PKNOX2: variants seen among roughly 807,000 people sequenced by gnomAD.
PKNOX2 encodes the protein PBX/knotted 1 homeobox 2.
A neutral mutation model predicts 53.1 loss-of-function variants in PKNOX2; 14 were observed. The observed-to-expected ratio is 0.26, with a 90% confidence interval of 0.17 to 0.41. PKNOX2 has a LOEUF of 0.41. Ranked by LOEUF, PKNOX2 falls within the 10% of genes least tolerant of loss-of-function variation. The pLI is 1.00. For synonymous variants in PKNOX2, 257 were observed against 242.8 expected, an observed-to-expected ratio of 1.06 and a Z score of -0.54; for missense variants, 496 against 602.8, an observed-to-expected ratio of 0.82 and a Z score of 1.85.
chr11:125,309,034 G>C (rs962355139), intron 2 of PKNOX2, among the ~76,000 whole-genome samples: 1 of 152,036 alleles, frequency 6.6e-6, no homozygotes, highest in African/African-American at 2.4e-5. Context: ...GAGTAAACAC[G>C]CTCCTCCTGT....
intron 4 of PKNOX2, among the ~76,000 whole-genome samples, chr11:125,357,895 A>G (rs1482133016): frequency 6.6e-6 from 1 of 152,216 alleles, no homozygotes; most frequent in East Asian, 1.9e-4. Context: ...CCACTTATCC[A>G]TTCGATAAAC....
chr11:125,274,842 C>T lies in PKNOX2; in HGVS notation c.-130+39727C>T, dbSNP rs145711932. Among the ~76,000 whole-genome samples, 883 of 152,328 alleles carry T rather than the reference C, an allele frequency of 5.8e-3. 18 individuals are homozygous for T. The highest frequency in any genetic ancestry group is 0.02 in the African/African-American group (852 of 41,578). Reference sequence around the variant, plus strand: ...TCAGGGGCGGTAGGATAACACCCAACTCCAAGTTGCTGCACATCCATGTGC... The same window carrying T: ...TCAGGGGCGGTAGGATAACACCCAATTCCAAGTTGCTGCACATCCATGTGC... On this transcript the variant is annotated intron_variant, in intron 2 of 12. Transcript: ENST00000298282.
At chr11:125,294,680 C>G (rs913956567) in intron 2 of PKNOX2, among the ~76,000 whole-genome samples, 7 of 152,138 alleles carry the variant, frequency 4.6e-5, no homozygotes, top group African/African-American at 1.7e-4. Context: ...GGGCATCAGC[C>G]CCCAGTCTGC....
chr11:125,168,090 C>A (rs959458612), intron 1 of PKNOX2, among the ~76,000 whole-genome samples: 1 of 152,188 alleles, frequency 6.6e-6, no homozygotes, highest in African/African-American at 2.4e-5. Flanking sequence ...GGATTTCAGC[C>A]CAGCTGCCAA....
chr11:125,404,246 C>G (rs935213535), intron 7 of PKNOX2, among the ~76,000 whole-genome samples: 2 of 152,234 alleles, frequency 1.3e-5, no homozygotes, highest in African/African-American at 4.8e-5. Context: ...CGGTTCCTCA[C>G]CCCCAGCCCT....
At chr11:125,221,980 CG>C (rs1343725265) in intron 1 of PKNOX2, among the ~76,000 whole-genome samples, 1 of 152,138 alleles carries the variant, frequency 6.6e-6, no homozygotes, top group African/African-American at 2.4e-5. Context: ...AAATCAAATG[CG>C]TATTTTGGGG....
intron 2 of PKNOX2, among the ~76,000 whole-genome samples, chr11:125,294,547 C>T (rs1044946861): frequency 2.0e-5 from 3 of 152,160 alleles, no homozygotes; most frequent in Non-Finnish European, 4.4e-5. Flanking sequence ...GGAGAGGCGG[C>T]ATGGCAGGGC....
chr11:125,431,331 A>G lies in PKNOX2; in HGVS notation c.1358A>G (p.Asp453Gly). The G allele has an allele frequency of 1.2e-6, 2 of 1,613,796 alleles. No homozygotes were observed. The highest frequency in any genetic ancestry group is 1.7e-6 in the Non-Finnish European group (2 of 1,179,966). ...EEEEELEEEV[D>G]ELQTTNVSDL... ...GAGGAGGAGCTGGAGGAGGAGGTCG[A>G]CGAGCTGCAGACGACAAATGTCAGC... is the stretch of plus-strand genomic sequence containing the variant. Residue 453 changes from aspartate to glycine, a missense_variant, in exon 13 of 13, where the codon GAC becomes GGC. Asp to Gly is a moderately conservative substitution (Grantham distance 94). Around this residue, in one of 5 missense-constraint regions of PKNOX2, gnomAD observed 139 missense variants for 161.3 expected, o/e 0.86. Coordinates refer to ENST00000298282, the MANE Select transcript of PKNOX2 (RefSeq NM_001382323.2).
chr11:125,229,393 A>G lies in PKNOX2; in HGVS notation c.-200-5652A>G, dbSNP rs375853049. On this transcript the variant is annotated intron_variant, in intron 1 of 12. Coordinates refer to ENST00000298282, the MANE Select transcript of PKNOX2 (RefSeq NM_001382323.2). ...CGACATGTGGAAATGCAGAATTGGC[A>G]TGTTTAGGTCATACAATTTCTGGAG... Among the ~76,000 whole-genome samples, 7 of 152,332 alleles carry G rather than the reference A, an allele frequency of 4.6e-5. No individual in the cohort carries two copies. The East Asian group carries it at 7.7e-4, about 17-fold the overall frequency.
intron 2 of PKNOX2, among the ~76,000 whole-genome samples, chr11:125,254,512 G>A (rs947481081): frequency 1.3e-5 from 2 of 152,276 alleles, no homozygotes; most frequent in Non-Finnish European, 2.9e-5. Context: ...CCTTGGGCAA[G>A]TGGCTTACCA....
Position 125,430,113 on chromosome 11 carries a change from G to A in PKNOX2, c.1164G>A (p.Gln388=). 3 of 1,614,122 alleles carry A rather than the reference G, an allele frequency of 1.9e-6. No homozygotes were observed. The South Asian group carries it at 3.3e-5, about 18-fold the overall frequency. Residue 388 remains glutamine, a synonymous_variant, in exon 12 of 13, where the codon CAG becomes CAA. Coordinates refer to ENST00000298282, the MANE Select transcript of PKNOX2 (RefSeq NM_001382323.2). ...TCGCTGCGGGGGTGCTGCAGCAGCAGGGCGGTGCCCCAGGGACAAACCCCG... is the reference window on the plus strand; with the variant it reads ...TCGCTGCGGGGGTGCTGCAGCAGCAAGGCGGTGCCCCAGGGACAAACCCCG... ...NSIAAGVLQQ[Q]GGAPGTNPDG...
intron 11 of PKNOX2, 30 bp from the exon 12 acceptor site, chr11:125,429,933 T>G (rs759255853): frequency 6.2e-7 from 1 of 1,605,424 alleles, no homozygotes; most frequent in Non-Finnish European, 8.5e-7. Flanking sequence ...AGGTGATGAC[T>G]AACCAGGTCT....
chr11:125,248,965 C>G (rs1048648547), intron 2 of PKNOX2, among the ~76,000 whole-genome samples: 1 of 126,312 alleles, frequency 7.9e-6, no homozygotes, highest in South Asian at 2.6e-4. Context: ...TATATACATA[C>G]ATATATACAT....
chr11:125,262,503 G>A (rs914314018), intron 2 of PKNOX2, among the ~76,000 whole-genome samples: 3 of 152,160 alleles, frequency 2.0e-5, no homozygotes, highest in Non-Finnish European at 4.4e-5. Context: ...GTTTGCGCTA[G>A]GTCACTCAGG....
At chr11:125,269,418 C>T (rs1310758654) in intron 2 of PKNOX2, among the ~76,000 whole-genome samples, 1 of 152,172 alleles carries the variant, frequency 6.6e-6, no homozygotes, top group East Asian at 1.9e-4. Context: ...CAAACACATC[C>T]TATGCAAAAT....
intron 1 of PKNOX2, among the ~76,000 whole-genome samples, chr11:125,181,984 G>C (rs1337544447): frequency 6.6e-6 from 1 of 152,214 alleles, no homozygotes; most frequent in Non-Finnish European, 1.5e-5. Flanking sequence ...GGGACACAGA[G>C]GTTTTGTTGA....
chr11:125,229,892 C>A (rs1942054196), intron 1 of PKNOX2, among the ~76,000 whole-genome samples: 1 of 152,222 alleles, frequency 6.6e-6, no homozygotes, highest in Admixed American at 6.5e-5. Flanking sequence ...CCATCCCAGG[C>A]TTGGAGGGTA....
chr11:125,401,766 AGTGTGTGT>A lies in PKNOX2; in HGVS notation c.588+3721_588+3728del, dbSNP rs370503272. On this transcript the variant is annotated intron_variant, in intron 7 of 12. Coordinates refer to ENST00000298282, the MANE Select transcript of PKNOX2 (RefSeq NM_001382323.2). ...ATGAGAGAGAGAAAAGGAGCTTGTG[AGTGTGTGT>A]GTGTGTGTGTGTGTGTATGTGTGTG... 2.7e-5 allele frequency among the ~76,000 whole-genome samples: 4 copies of A among 149,304 alleles called. No homozygotes were observed. The South Asian group carries it at 8.6e-4, about 32-fold the overall frequency.
At chr11:125,401,766 A>AGTGTGG (rs1555170947) in intron 7 of PKNOX2, among the ~76,000 whole-genome samples, 20 of 149,304 alleles carry the variant, frequency 1.3e-4, no homozygotes, top group Middle Eastern at 3.5e-3. Context: ...GGAGCTTGTG[A>AGTGTGG]GTGTGTGTGT....
Sources: gnomAD v4.1 joint callset for allele counts (sites outside exome capture counted in the v4.1 genomes callset) on GRCh38, gnomAD v4.1.1 for gene constraint, gnomAD v4.1.1 regional missense constraint, MANE v1.5 for transcripts, NCBI Gene and HGNC (gene_info 2026-07-23, HGNC 2026-07-21) for gene names.